CACNA1E: variants seen among roughly 807,000 people sequenced by gnomAD.
CACNA1E encodes voltage-dependent R-type calcium channel subunit alpha-1E.
In CACNA1E, 40 loss-of-function variants were observed where a neutral mutation model predicts 259.2. The observed-to-expected ratio is 0.15, with a 90% CI of 0.12 to 0.20. The LOEUF (loss-of-function observed/expected upper bound fraction) is 0.20, where lower values mean the gene tolerates loss of function less well. Ranked by LOEUF, CACNA1E falls within the 10% of genes least tolerant of loss-of-function variation. The probability of loss-of-function intolerance (pLI) is 1.00; values close to 1 mark genes in which losing one functional copy is unlikely to be tolerated. For missense variants in CACNA1E, 1,874 were observed against 3,040.1 expected (o/e 0.62, Z 9.02); for synonymous variants, 1,104 against 1,138.5 (o/e 0.97, Z 0.61).
intron 1 of CACNA1E, among the ~76,000 whole-genome samples, chr1:181,498,133 T>C (rs775209410): frequency 2.0e-5 from 3 of 152,196 alleles, no homozygotes; most frequent in Non-Finnish European, 4.4e-5. Flanking sequence ...GGGGTACCCA[T>C]AGTGTGAGTC....
chr1:181,518,936 G>A (rs1399617780), intron 3 of CACNA1E, among the ~76,000 whole-genome samples: 1 of 152,178 alleles, frequency 6.6e-6, no homozygotes, highest in Non-Finnish European at 1.5e-5. Context: ...CGAAATCCCT[G>A]GGTGGTTTGG....
At chr1:181,342,910 A>G (rs1652280177) in intron 1 of CACNA1E, among the ~76,000 whole-genome samples, 1 of 152,160 alleles carries the variant, frequency 6.6e-6, no homozygotes, top group Non-Finnish European at 1.5e-5. Flanking sequence ...ACAAAAAGGT[A>G]TAGAAACCTC....
intron 2 of CACNA1E, among the ~76,000 whole-genome samples, chr1:181,424,807 G>T (rs11799947): frequency 0.4 from 60,449 of 151,956 alleles, 12,289 homozygotes; most frequent in African/African-American, 0.45. Context: ...CTGCAGCCTG[G>T]TGCTCAAGCC....
Position 181,732,797 on chromosome 1 carries a change from C to A in CACNA1E, c.2711C>A (p.Ala904Asp), listed in dbSNP as rs1487157795. 3 of 1,601,644 alleles carry A rather than the reference C, an allele frequency of 1.9e-6. No homozygotes were observed. The highest frequency in any genetic ancestry group is 1.3e-5 in the African/African-American group (1 of 74,772). ...CAGCAGGAGGCAGGGGGAGGAGAGG[C>A]TGTGGTGACCTTTGAGGACCGGGCC... ...PTQQEAGGGE[A>D]VVTFEDRARH... Residue 904 changes from alanine (A) to aspartate (D), a missense_variant, in exon 20 of 48, where the codon GCT (alanine) becomes GAT (aspartate). By Grantham distance (126) the Ala-to-Asp change is moderately radical (BLOSUM62 -2). Transcript: ENST00000367573. The surrounding 1 kb of genome is among the most constrained non-coding windows in gnomAD (Gnocchi z 5.5).
chr1:181,424,400 C>G (rs530617533), intron 2 of CACNA1E, among the ~76,000 whole-genome samples: 11 of 152,388 alleles, frequency 7.2e-5, no homozygotes, highest in African/African-American at 1.9e-4. Flanking sequence ...GTTTCTAGAT[C>G]TGGTCTCTGG....
intron 3 of CACNA1E, among the ~76,000 whole-genome samples, chr1:181,544,999 T>C (rs903057754): frequency 6.6e-6 from 1 of 152,196 alleles, no homozygotes; most frequent in Admixed American, 6.5e-5. Context: ...AATGAAAAAT[T>C]TGGCCCTACC....
intron 1 of CACNA1E, among the ~76,000 whole-genome samples, chr1:181,330,909 A>G (rs1651208486): frequency 6.6e-6 from 1 of 152,228 alleles, no homozygotes; most frequent in Non-Finnish European, 1.5e-5. Flanking sequence ...AACAAATATT[A>G]GCTAGAGATG....
Position 181,717,123 on chromosome 1 carries a change from G to A in CACNA1E, c.1346G>A (p.Ser449Asn), listed in dbSNP as rs1443327940. Reference protein sequence around the residue: ...GTPLARASIKSAKVDGVSYFR... With the variant: ...GTPLARASIKNAKVDGVSYFR... ...CCTCTGGCCCGAGCCAGTATCAAAA[G>A]TGCAAAGGTAGACGGGGTCTCTTAT... Residue 449 changes from serine (S) to asparagine (N), a missense_variant, in exon 11 of 48, where the codon AGT (serine) becomes AAT (asparagine). By Grantham distance (46) the Ser-to-Asn change is conservative. Around this residue, in one of 14 missense-constraint regions of CACNA1E, gnomAD observed 157 missense variants for 203.5 expected, o/e 0.77. Transcript: ENST00000367573. 1.2e-6 allele frequency: 2 copies of A among 1,613,944 alleles called. No homozygotes were observed. Among genetic ancestry groups the A allele is most frequent in the East Asian group, 2.2e-5 (1 of 44,906 alleles).
At chr1:181,643,570 A>C (rs570388499) in intron 6 of CACNA1E, among the ~76,000 whole-genome samples, 1 of 152,086 alleles carries the variant, frequency 6.6e-6, no homozygotes, top group Admixed American at 6.6e-5. Flanking sequence ...GGGGTGGGCC[A>C]TGCCAGCCCT....
At chr1:181,793,881 C>G in intron 45 of CACNA1E, 88 bp downstream of exon 45, 1 of 1,385,966 alleles carries the variant, frequency 7.2e-7, no homozygotes, top group South Asian at 1.4e-5. Context: ...GCAGGTGAGC[C>G]GTTGACTTGC....
chr1:181,702,307 G>A (rs1397526655), intron 7 of CACNA1E, among the ~76,000 whole-genome samples: 1 of 152,016 alleles, frequency 6.6e-6, no homozygotes, highest in Non-Finnish European at 1.5e-5. Context: ...TGTCTTCACA[G>A]TCTATCCAGA....
At chr1:181,588,944 G>A (rs17443462) in intron 6 of CACNA1E, among the ~76,000 whole-genome samples, 1,775 of 152,346 alleles carry the variant, frequency 0.012, 27 homozygotes, top group Admixed American at 0.039. Context: ...GGATGGCACA[G>A]TGCCAGTATA....
intron 6 of CACNA1E, among the ~76,000 whole-genome samples, chr1:181,629,097 TC>T (rs1210168002): frequency 6.6e-6 from 1 of 152,132 alleles, no homozygotes; most frequent in African/African-American, 2.4e-5. Flanking sequence ...GGGGAGGGCT[TC>T]CCAGGGCAGG....
chr1:181,514,319 G>T (rs1253968880), intron 3 of CACNA1E, among the ~76,000 whole-genome samples: 1 of 152,178 alleles, frequency 6.6e-6, no homozygotes, highest in Non-Finnish European at 1.5e-5. Flanking sequence ...AATTGTTGGG[G>T]TTGTAGATTC....
In CACNA1E at chr1:181,718,126, C is replaced by T. The variant is rs373651535; in HGVS notation, c.1597C>T (p.Arg533Cys). 1.4e-5 allele frequency: 23 copies of T among 1,610,726 alleles called. No homozygotes were observed. Among genetic ancestry groups the T allele is most frequent in the East Asian group, 2.2e-5 (1 of 44,874 alleles). ...MSLKMYGMGP[R>C]LYFHSSFNCF... The stretch of plus-strand genomic sequence containing the variant: ...CCTGAAGATGTATGGCATGGGGCCT[C>T]GCCTTTATTTTCACTCTTCATTCAA... The change falls in exon 12 of 48, where the codon CGC (arginine) becomes TGC (cysteine). Residue 533 changes from arginine (R) to cysteine (C), a missense_variant. By Grantham distance (180) the Arg-to-Cys change is radical. This residue lies in a region of CACNA1E where 102 missense variants were observed against 279.4 expected (regional missense o/e 0.37). Coordinates refer to ENST00000367573, the MANE Select transcript of CACNA1E (RefSeq NM_001205293.3).
rs539201883 is a variant in CACNA1E at position 181,349,083 on chromosome 1, C to CT, written c.-15+30962dup. Reference sequence around the variant, plus strand: ...CAGACAGCAGCATCCTTGGGGAGCTCTTGGGGACCCACGGGAAGAGCAGGG... The same window carrying CT: ...CAGACAGCAGCATCCTTGGGGAGCTCTTTGGGGACCCACGGGAAGAGCAGGG... On this transcript the variant is annotated intron_variant, in intron 1 of 11. Transcript: ENST00000524607. Among the ~76,000 whole-genome samples the CT allele has an allele frequency of 3.8e-3, 450 of 117,974 alleles. 3 individuals are homozygous for CT. The highest frequency in any genetic ancestry group is 0.014 in the African/African-American group (422 of 31,126). 77.4% of individuals were successfully genotyped at this position (117,974 alleles called of 152,430 possible).
intron 2 of CACNA1E, among the ~76,000 whole-genome samples, chr1:181,451,302 C>A (rs1661139300): frequency 6.6e-6 from 1 of 152,170 alleles, no homozygotes; most frequent in South Asian, 2.1e-4. Context: ...CATACCAGAT[C>A]AATATTTTTA....
intron 45 of CACNA1E, among the ~76,000 whole-genome samples, chr1:181,794,015 C>T (rs1395222394): frequency 1.3e-5 from 2 of 152,216 alleles, no homozygotes; most frequent in Non-Finnish European, 2.9e-5. Context: ...GCATACTTCA[C>T]TCCGGACGGG....
rs186056712 is a variant in CACNA1E, at chr1:181,728,291, C to G, written c.2240+2129C>G. Among the ~76,000 whole-genome samples, 211 of 152,154 alleles carry G rather than the reference C, an allele frequency of 1.4e-3. 1 individual carries two copies. Among genetic ancestry groups the G allele is most frequent in the African/African-American group, 4.7e-3 (196 of 41,496 alleles). On this transcript the variant is annotated intron_variant, in intron 18 of 47. Transcript: ENST00000367573. ...GATGTGAGTTGGGACAACGCTTGGC[C>G]CAGAGTAGAAACTCACTATTTCTGG...
Sources: allele counts gnomAD v4.1 joint callset (sites outside exome capture counted in the v4.1 genomes callset), GRCh38; gene constraint gnomAD v4.1.1; regional missense constraint gnomAD v4.1.1; non-coding constraint Gnocchi (gnomAD v3.1); transcripts MANE v1.5; gene names NCBI Gene and HGNC (gene_info 2026-07-23, HGNC 2026-07-21).